CHN1: variants seen among roughly 807,000 people sequenced by gnomAD.
CHN1 encodes chimerin 1.
Under a neutral mutation model 59.5 loss-of-function variants are expected in CHN1, and 37 were observed. The observed-to-expected ratio is 0.62, with a 90% CI of 0.48 to 0.82. The LOEUF (loss-of-function observed/expected upper bound fraction) is 0.82. CHN1 is among the 40% of genes least tolerant of loss of function. CHN1 has a pLI of 0.00. For synonymous variants in CHN1, 206 were observed against 200.4 expected (o/e 1.03, Z -0.24); for missense variants, 469 against 571.0 (o/e 0.82, Z 1.82).
chr2:174,849,625 GTAGA>G (rs769809585), intron 6 of CHN1, among the ~76,000 whole-genome samples: 2 of 152,036 alleles, frequency 1.3e-5, no homozygotes, highest in Non-Finnish European at 1.5e-5. Context: ...ACAATATCTA[GTAGA>G]TAGCCATCTA....
At chr2:174,868,032 T>C (rs1032897671) in intron 6 of CHN1, among the ~76,000 whole-genome samples, 1 of 152,226 alleles carries the variant, frequency 6.6e-6, no homozygotes, top group African/African-American at 2.4e-5. Flanking sequence ...AATGTTAACA[T>C]AAAGTTGGCT....
chr2:174,824,085 T>TA (rs1440141184), intron 8 of CHN1, among the ~76,000 whole-genome samples: 5 of 152,196 alleles, frequency 3.3e-5, no homozygotes, highest in African/African-American at 9.7e-5. Flanking sequence ...TACATTGCTT[T>TA]AAAAAAATCA....
At chr2:174,807,859 G>A (rs1684948119) in intron 11 of CHN1, among the ~76,000 whole-genome samples, 1 of 152,098 alleles carries the variant, frequency 6.6e-6, no homozygotes, top group Non-Finnish European at 1.5e-5. Flanking sequence ...GTGTTACTAA[G>A]GAAGTGATGT....
At chr2:174,986,598 T>C (rs552630824) in intron 1 of CHN1, among the ~76,000 whole-genome samples, 1 of 149,196 alleles carries the variant, frequency 6.7e-6, no homozygotes, top group Non-Finnish European at 1.5e-5. Flanking sequence ...CAGATTTTCT[T>C]GTGCTTCTGT....
chr2:174,971,682 A>C (rs778986138), intron 1 of CHN1, among the ~76,000 whole-genome samples: 1 of 152,250 alleles, frequency 6.6e-6, no homozygotes, highest in Non-Finnish European at 1.5e-5. Flanking sequence ...TGAGAAAACA[A>C]GTAATTGAGA....
chr2:174,858,056 A>G (rs775081997), intron 6 of CHN1, among the ~76,000 whole-genome samples: 3 of 152,116 alleles, frequency 2.0e-5, no homozygotes, highest in Non-Finnish European at 2.9e-5. Flanking sequence ...AACACTCTAT[A>G]CTCACTAATT....
chr2:174,918,573 G>A lies in CHN1; in HGVS notation c.115-8C>T. 1 of 1,584,268 alleles carries A rather than the reference G, an allele frequency of 6.3e-7. No homozygotes were observed. The highest frequency in any genetic ancestry group is 1.2e-5 in the South Asian group (1 of 86,426). On this transcript the variant is annotated splice_region_variant and splice_polypyrimidine_tract_variant and intron_variant, in intron 3 of 12. Transcript: ENST00000409900. The stretch of plus-strand genomic sequence containing the variant: ...CTTTGGTCTGTTTTCCACCTATTGG[G>A]AAAGCAAAAAAACAGGCATATTTGT...
chr2:174,820,349 C>A (rs980560918), intron 8 of CHN1, among the ~76,000 whole-genome samples: 1 of 152,122 alleles, frequency 6.6e-6, no homozygotes, highest in African/African-American at 2.4e-5. Flanking sequence ...TGACTTTTTA[C>A]TGATTGCCAT....
chr2:174,991,593 T>TATA (rs1311113240), intron 1 of CHN1, among the ~76,000 whole-genome samples: 3 of 152,232 alleles, frequency 2.0e-5, no homozygotes, highest in Admixed American at 6.5e-5. Flanking sequence ...GAGTAAGTGA[T>TATA]ATACCTGCCC....
chr2:174,970,478 T>C (rs1337706769), intron 1 of CHN1, among the ~76,000 whole-genome samples: 1 of 152,214 alleles, frequency 6.6e-6, no homozygotes, highest in Non-Finnish European at 1.5e-5. Flanking sequence ...CAAGGAAACT[T>C]GTATCCACCA....
chr2:174,972,389 G>A (rs570031602), intron 1 of CHN1, among the ~76,000 whole-genome samples: 8 of 152,224 alleles, frequency 5.3e-5, no homozygotes, highest in African/African-American at 1.9e-4. Flanking sequence ...GTCCTGTAAG[G>A]TCAAGAACAG....
chr2:174,985,908 T>C (rs985821676), intron 1 of CHN1, among the ~76,000 whole-genome samples: 30 of 152,158 alleles, frequency 2.0e-4, no homozygotes, highest in Admixed American at 1.7e-3. Context: ...CTCTGGAAAA[T>C]GTTTTCACTC....
At chr2:174,821,350 C>T (rs963237916) in intron 8 of CHN1, among the ~76,000 whole-genome samples, 6 of 152,116 alleles carry the variant, frequency 3.9e-5, no homozygotes, top group Non-Finnish European at 8.8e-5. Flanking sequence ...TCCCTCTGAC[C>T]TCTGCTTCTG....
chr2:174,852,843 A>C (rs1448569974), intron 6 of CHN1, among the ~76,000 whole-genome samples: 1 of 152,120 alleles, frequency 6.6e-6, no homozygotes, highest in African/African-American at 2.4e-5. Flanking sequence ...GGACTCCCTA[A>C]GAAACAAGTA....
intron 7 of CHN1, among the ~76,000 whole-genome samples, chr2:174,826,360 A>C (rs1229439885): frequency 6.6e-6 from 1 of 152,208 alleles, no homozygotes; most frequent in Non-Finnish European, 1.5e-5. Flanking sequence ...GAATGAGTGA[A>C]GTAGGCAGTG....
At chr2:174,837,395 A>G (rs958557048) in intron 7 of CHN1, 3 of 152,232 alleles carry the variant, frequency 2.0e-5, no homozygotes, top group African/African-American at 4.8e-5. Flanking sequence ...ATCCATTCAC[A>G]TGGATAGCCA....
At chr2:174,883,121 A>G (rs887403741) in intron 5 of CHN1, among the ~76,000 whole-genome samples, 1 of 152,214 alleles carries the variant, frequency 6.6e-6, no homozygotes, top group Non-Finnish European at 1.5e-5. Flanking sequence ...CCATCTTCTG[A>G]ACAGTGGAAC....
chr2:174,930,896 G>T (rs1345592324), intron 3 of CHN1, among the ~76,000 whole-genome samples: 1 of 151,924 alleles, frequency 6.6e-6, no homozygotes. Flanking sequence ...CTCCCAAGTA[G>T]CTGGGACTAC....
chr2:174,824,533 G>T lies in CHN1; in HGVS notation c.628-15C>A. ...AATGTATGCACCTGAAAAAAAAAAAGAGGGGCAAAGTCAGGAAAGGGGAAA... is the reference window on the plus strand; with the variant it reads ...AATGTATGCACCTGAAAAAAAAAAATAGGGGCAAAGTCAGGAAAGGGGAAA... On this transcript the variant is annotated splice_polypyrimidine_tract_variant and intron_variant, in intron 7 of 12. Transcript: ENST00000409900. 1 of 1,508,762 alleles carries T rather than the reference G, an allele frequency of 6.6e-7. No homozygotes were observed. The allele number at this position is 1,508,762 out of a possible 1,614,324, so 93.5% of individuals were successfully genotyped here. A position where few individuals can be genotyped will look rare whatever the true frequency, so the allele number is the denominator to read the frequency against.
Sources: gnomAD v4.1 joint callset for allele counts (sites outside exome capture counted in the v4.1 genomes callset) on GRCh38, gnomAD v4.1.1 for gene constraint, MANE v1.5 for transcripts, NCBI Gene and HGNC (gene_info 2026-07-23, HGNC 2026-07-21) for gene names.